CSMD1: variants seen among roughly 807,000 people sequenced by gnomAD.
The protein encoded by CSMD1 is CUB and Sushi multiple domains 1.
Under a neutral mutation model 417.5 loss-of-function variants are expected in CSMD1, and 213 were observed. The ratio of observed to expected loss-of-function variants is 0.51; its 90% CI spans 0.46 to 0.57. The LOEUF is 0.57. CSMD1 is among the 20% of genes least tolerant of loss of function. CSMD1 has a pLI of 0.00. For synonymous variants in CSMD1, 2,862 were observed against 1,736.8 expected (o/e 1.65, Z -16.11); for missense variants, 6,923 against 4,529.7 (o/e 1.53, Z -15.17).
At chr8:4,098,087 C>G (rs547767390) in intron 3 of CSMD1, among the ~76,000 whole-genome samples, 3 of 152,222 alleles carry the variant, frequency 2.0e-5, no homozygotes, top group Non-Finnish European at 2.9e-5. Context: ...AATAAAATAT[C>G]TCAACAACAA....
chr8:3,975,260 G>C (rs1266548606), intron 5 of CSMD1, among the ~76,000 whole-genome samples: 3 of 152,146 alleles, frequency 2.0e-5, no homozygotes, highest in African/African-American at 4.8e-5. Context: ...TTATCAGTAT[G>C]AGAGCTTGGG....
chr8:3,333,335 A>G (rs1260615763), intron 23 of CSMD1, among the ~76,000 whole-genome samples: 1 of 151,912 alleles, frequency 6.6e-6, no homozygotes, highest in Non-Finnish European at 1.5e-5. Flanking sequence ...GTTACAGAGC[A>G]ATAGAAAACT....
At position 3,518,552 on chromosome 8, in the gene CSMD1, G is replaced by C. The variant is rs139629537; in HGVS notation, c.1345-24826C>G. ...AATGATTGCCATAAAGTAAAATGCA[G>C]TATCTATGTGAAAGTAAATTAGAAT... is the stretch of plus-strand genomic sequence containing the variant. On this transcript the variant is annotated intron_variant, in intron 10 of 69. Transcript: ENST00000635120. Among the ~76,000 whole-genome samples, 992 of 152,238 alleles carry C rather than the reference G, an allele frequency of 6.5e-3. 6 individuals carry two copies. The highest frequency in any genetic ancestry group is 0.011 in the Non-Finnish European group (729 of 68,002).
intron 1 of CSMD1, among the ~76,000 whole-genome samples, chr8:4,727,900 CAT>C (rs559043031): frequency 3.5e-4 from 50 of 142,700 alleles, no homozygotes; most frequent in South Asian, 1.5e-3. Context: ...ACCTATACCA[CAT>C]ATATATATAT....
chr8:3,478,886 A>G (rs1325136158), intron 11 of CSMD1, among the ~76,000 whole-genome samples: 2 of 152,146 alleles, frequency 1.3e-5, no homozygotes, highest in Admixed American at 1.3e-4. Flanking sequence ...CCTTCGTCCC[A>G]GTAGGTGTGA....
intron 3 of CSMD1, among the ~76,000 whole-genome samples, chr8:4,139,968 GTTTA>G (rs71975003): frequency 0.3 from 45,133 of 150,634 alleles, 8,388 homozygotes; most frequent in Non-Finnish European, 0.39. Context: ...GTGAAACTAT[GTTTA>G]TGTGGGCAGG....
chr8:4,805,894 G>A (rs2117307294), intron 1 of CSMD1, among the ~76,000 whole-genome samples: 2 of 152,226 alleles, frequency 1.3e-5, no homozygotes, highest in Middle Eastern at 3.4e-3. Flanking sequence ...AACCATTCAT[G>A]GTGACTCAAA....
intron 1 of CSMD1, among the ~76,000 whole-genome samples, chr8:4,961,353 C>A (rs1006616077): frequency 6.6e-6 from 1 of 152,120 alleles, no homozygotes; most frequent in African/African-American, 2.4e-5. Context: ...ATTCTTTCAA[C>A]CTGACCTGAT....
At chr8:2,997,350 G>T (rs1394948947) in intron 54 of CSMD1, among the ~76,000 whole-genome samples, 5 of 152,314 alleles carry the variant, frequency 3.3e-5, no homozygotes, top group Middle Eastern at 3.4e-3. Context: ...TTTGAAGATA[G>T]CTCCCGTGGG....
At chr8:4,677,153 A>G (rs1369852338) in intron 1 of CSMD1, among the ~76,000 whole-genome samples, 2 of 148,696 alleles carry the variant, frequency 1.3e-5, no homozygotes, top group Non-Finnish European at 3.0e-5. Context: ...TATATACATT[A>G]TATCTCTATC....
chr8:3,734,927 T>G (rs929922873), intron 6 of CSMD1, among the ~76,000 whole-genome samples: 17 of 152,188 alleles, frequency 1.1e-4, no homozygotes, highest in African/African-American at 4.1e-4. Context: ...AACTCTTCTT[T>G]TACTTCATCC....
At chr8:3,572,062 T>C (rs993344178) in intron 10 of CSMD1, among the ~76,000 whole-genome samples, 4 of 152,168 alleles carry the variant, frequency 2.6e-5, no homozygotes, top group African/African-American at 9.6e-5. Flanking sequence ...GTGAGTGGTA[T>C]ACTGAGTCGG....
At chr8:4,738,499 A>C (rs1810388794) in intron 1 of CSMD1, among the ~76,000 whole-genome samples, 1 of 152,096 alleles carries the variant, frequency 6.6e-6, no homozygotes, top group Non-Finnish European at 1.5e-5. Context: ...GATGGGGAAA[A>C]TCACCTCCAT....
At chr8:4,705,994 T>C (rs1029118103) in intron 1 of CSMD1, among the ~76,000 whole-genome samples, 2 of 151,778 alleles carry the variant, frequency 1.3e-5, no homozygotes, top group African/African-American at 4.8e-5. Context: ...TTATGAACTG[T>C]AATTTTTTTC....
At chr8:4,719,993 C>T (rs1415000217) in intron 1 of CSMD1, among the ~76,000 whole-genome samples, 1 of 152,064 alleles carries the variant, frequency 6.6e-6, no homozygotes, top group East Asian at 1.9e-4. Context: ...AATAATCAGT[C>T]ATTCTCACCA....
At chr8:3,857,841 C>G (rs1804421103) in intron 5 of CSMD1, among the ~76,000 whole-genome samples, 1 of 152,148 alleles carries the variant, frequency 6.6e-6, no homozygotes, top group South Asian at 2.1e-4. Context: ...TATAAAATAC[C>G]TAGAGTTACC....
chr8:4,299,292 C>T (rs1024825354), intron 3 of CSMD1, among the ~76,000 whole-genome samples: 7 of 152,060 alleles, frequency 4.6e-5, no homozygotes, highest in African/African-American at 1.7e-4. Context: ...TTTTCTTCAC[C>T]CCCATCACCC....
intron 2 of CSMD1, among the ~76,000 whole-genome samples, chr8:4,601,575 C>G (rs1284750472): frequency 2.0e-5 from 3 of 152,066 alleles, no homozygotes; most frequent in African/African-American, 7.3e-5. Context: ...GAATTGAATA[C>G]TTTAGTAGTA....
intron 3 of CSMD1, among the ~76,000 whole-genome samples, chr8:4,394,113 T>C (rs1046320916): frequency 2.0e-5 from 3 of 152,354 alleles, no homozygotes; most frequent in Admixed American, 6.5e-5. Flanking sequence ...CGATTAATTT[T>C]CCAGATTATC....
Sources: allele counts gnomAD v4.1 joint callset (sites outside exome capture counted in the v4.1 genomes callset), GRCh38; gene constraint gnomAD v4.1.1; transcripts MANE v1.5; gene names NCBI Gene and HGNC (gene_info 2026-07-23, HGNC 2026-07-21).